The following GABRG1 variants were observed in gnomAD, a reference collection of about 807,000 sequenced individuals.
GABRG1 encodes gamma-aminobutyric acid type A receptor subunit gamma1.
A neutral mutation model predicts 49.8 loss-of-function variants in GABRG1; 49 were observed. The observed-to-expected ratio is 0.98, with a 90% CI of 0.78 to 1.25. The LOEUF (loss-of-function observed/expected upper bound fraction) is 1.25. GABRG1 is among the 50% of genes most tolerant of loss of function. The pLI, the probability that GABRG1 is intolerant of heterozygous loss-of-function variation, is 0.00. For missense variants in GABRG1, 552 were observed against 552.3 expected (o/e 1.00, Z 0.01); for synonymous variants, 232 against 185.1 (o/e 1.25, Z -2.06).
chr4:46,068,600 C>A (rs1719001473), intron 3 of GABRG1, among the ~76,000 whole-genome samples: 1 of 152,088 alleles, frequency 6.6e-6, no homozygotes, highest in African/African-American at 2.4e-5. Flanking sequence ...GATAATCCAT[C>A]CATCCCAAGC....
intron 3 of GABRG1, among the ~76,000 whole-genome samples, chr4:46,067,255 A>G (rs12504010): frequency 1.3e-5 from 2 of 152,096 alleles, no homozygotes; most frequent in African/African-American, 4.8e-5. Context: ...TAAATTGAGA[A>G]GCTACCTCAT....
chr4:46,069,263 T>C (rs1289263959), intron 3 of GABRG1, among the ~76,000 whole-genome samples: 1 of 152,062 alleles, frequency 6.6e-6, no homozygotes, highest in Non-Finnish European at 1.5e-5. Context: ...TATGTTGGCA[T>C]TAATCTCTTC....
chr4:46,112,382 G>A (rs1229435020), intron 1 of GABRG1, among the ~76,000 whole-genome samples: 1 of 151,412 alleles, frequency 6.6e-6, no homozygotes, highest in Non-Finnish European at 1.5e-5. Flanking sequence ...ATACACTGTT[G>A]ATGAGAATGC....
At chr4:46,056,088 A>C (rs1718412769) in intron 7 of GABRG1, among the ~76,000 whole-genome samples, 2 of 78,274 alleles carry the variant, frequency 2.6e-5, no homozygotes, top group South Asian at 4.2e-4. Flanking sequence ...CATGTACCCT[A>C]AAACTTAGAG....
intron 1 of GABRG1, among the ~76,000 whole-genome samples, chr4:46,117,229 G>A (rs1436951405): frequency 6.7e-6 from 1 of 150,364 alleles, no homozygotes; most frequent in African/African-American, 2.4e-5. Flanking sequence ...TTGGAGAGCA[G>A]GGTCTATATT....
At chr4:46,080,015 A>G (rs1198021528) in intron 3 of GABRG1, among the ~76,000 whole-genome samples, 1 of 151,740 alleles carries the variant, frequency 6.6e-6, no homozygotes, top group East Asian at 1.9e-4. Flanking sequence ...AAGTTACTCT[A>G]TTTTTCCCCA....
intron 3 of GABRG1, among the ~76,000 whole-genome samples, chr4:46,068,984 G>T (rs1719020360): frequency 6.6e-6 from 1 of 152,078 alleles, no homozygotes. Flanking sequence ...TGACAAAACA[G>T]CATTAGTGAA....
At chr4:46,064,014 G>T (rs1718813805) in intron 5 of GABRG1, among the ~76,000 whole-genome samples, 1 of 151,838 alleles carries the variant, frequency 6.6e-6, no homozygotes, top group Non-Finnish European at 1.5e-5. Context: ...CTATTCGTAT[G>T]GTAAATACTA....
chr4:46,049,618 G>A (rs1358138385), intron 8 of GABRG1, among the ~76,000 whole-genome samples: 1 of 151,870 alleles, frequency 6.6e-6, no homozygotes, highest in Non-Finnish European at 1.5e-5. Context: ...TAGGCTTGAT[G>A]CTAAATTTGA....
intron 3 of GABRG1, among the ~76,000 whole-genome samples, chr4:46,072,111 T>C (rs139325725): frequency 8.5e-5 from 13 of 152,172 alleles, no homozygotes; most frequent in Admixed American, 2.0e-4. Flanking sequence ...TATGTTTAGG[T>C]ATGTTTAGAT....
chr4:46,115,193 CAAAAT>C (rs893486057), intron 1 of GABRG1, among the ~76,000 whole-genome samples: 1 of 150,512 alleles, frequency 6.6e-6, no homozygotes, highest in South Asian at 2.1e-4. Flanking sequence ...AAAAAGAAAA[CAAAAT>C]AAAGTTTCTG....
At position 46,084,102 on chromosome 4, in the gene GABRG1, T is replaced by C. The variant is rs779569991; in HGVS notation, c.254-49A>G. On this transcript the variant is annotated intron_variant, in intron 2 of 8. Coordinates refer to ENST00000295452, the MANE Select transcript of GABRG1 (RefSeq NM_173536.4). The stretch of plus-strand genomic sequence containing the variant: ...AGGTCAAAGATATGATTAGACATTG[T>C]TTTAAATAAATCTTAGTTTTAAAGA... 7 of 1,034,914 alleles carry C rather than the reference T, an allele frequency of 6.8e-6. No individual in the cohort carries two copies. In the Admixed American group the frequency reaches 1.6e-4, roughly 24 times the overall value. 64.1% of individuals were successfully genotyped at this position (1,034,914 alleles called of 1,614,324 possible). A position where few individuals can be genotyped will look rare whatever the true frequency, so the allele number is the denominator to read the frequency against.
intron 8 of GABRG1, among the ~76,000 whole-genome samples, chr4:46,047,438 T>G (rs1193047016): frequency 6.6e-6 from 1 of 152,084 alleles, no homozygotes; most frequent in Admixed American, 6.6e-5. Context: ...ATATGTTTTA[T>G]GAATGAATTA....
At chr4:46,104,744 T>C (rs1720481729) in intron 1 of GABRG1, among the ~76,000 whole-genome samples, 1 of 151,512 alleles carries the variant, frequency 6.6e-6, no homozygotes, top group African/African-American at 2.4e-5. Context: ...AAATGTCTAT[T>C]AGGTGCTTAT....
At chr4:46,079,896 A>G (rs1719502300) in intron 3 of GABRG1, among the ~76,000 whole-genome samples, 1 of 151,860 alleles carries the variant, frequency 6.6e-6, no homozygotes, top group South Asian at 2.1e-4. Context: ...TTTGTCTCAT[A>G]AACTCTAGTA....
At chr4:46,057,035 ATACTAATT>A (rs1198214427) in intron 7 of GABRG1, among the ~76,000 whole-genome samples, 1 of 152,178 alleles carries the variant, frequency 6.6e-6, no homozygotes, top group African/African-American at 2.4e-5. Context: ...CATAGTGGTT[ATACTAATT>A]TACATTCCCA....
chr4:46,038,447 AT>A lies in GABRG1; in HGVS notation c.*2540del, dbSNP rs945508067. On this transcript the variant is annotated 3_prime_UTR_variant, in exon 9 of 9. Transcript: ENST00000295452. ...TATCCTTCCCAATTCTTTATATCTA[AT>A]TTTGGGGTCTATGTTAGCATTAAAA... The A allele has an allele frequency of 2.0e-5, 3 of 151,596 alleles. No individual in the cohort carries two copies. Among genetic ancestry groups the A allele is most frequent in the African/African-American group, 7.2e-5 (3 of 41,396 alleles). The allele number at this position is 151,596 out of a possible 1,614,324, so 9.4% of individuals were successfully genotyped here. A position where few individuals can be genotyped will look rare whatever the true frequency, so the allele number is the denominator to read the frequency against.
chr4:46,104,478 C>A (rs894529154), intron 1 of GABRG1, among the ~76,000 whole-genome samples: 1 of 151,446 alleles, frequency 6.6e-6, no homozygotes, highest in Non-Finnish European at 1.5e-5. Flanking sequence ...TTAGCATATA[C>A]CTATGTATCC....
intron 1 of GABRG1, among the ~76,000 whole-genome samples, chr4:46,120,637 A>T (rs1246732267): frequency 1.3e-5 from 2 of 151,840 alleles, no homozygotes; most frequent in African/African-American, 4.8e-5. Context: ...TAAGCCAAAA[A>T]TCTAGACACT....
Sources: allele counts gnomAD v4.1 joint callset (sites outside exome capture counted in the v4.1 genomes callset), GRCh38; gene constraint gnomAD v4.1.1; transcripts MANE v1.5; gene names NCBI Gene and HGNC (gene_info 2026-07-23, HGNC 2026-07-21).